CDH20: variants seen among roughly 807,000 people sequenced by gnomAD.
CDH20 encodes cadherin 20.
CDH20 carries 29 observed loss-of-function variants against 74.2 expected under a neutral mutation model. The ratio of observed to expected loss-of-function variants is 0.39; its 90% CI spans 0.29 to 0.53. The LOEUF (loss-of-function observed/expected upper bound fraction) is 0.53. Ranked by LOEUF, CDH20 falls within the 20% of genes least tolerant of loss-of-function variation. The pLI is 0.69. For synonymous variants in CDH20, 469 were observed against 405.4 expected (o/e 1.16, Z -1.88); for missense variants, 988 against 1,048.3 (o/e 0.94, Z 0.79).
At chr18:61,499,791 G>C (rs7238200) in intron 3 of CDH20, among the ~76,000 whole-genome samples, 96,383 of 151,454 alleles carry the variant, frequency 0.64, 30,914 homozygotes, top group South Asian at 0.74. Context: ...GAAATATTTT[G>C]TTATTATCAA....
chr18:61,453,725 G>T (rs935006600), intron 1 of CDH20, among the ~76,000 whole-genome samples: 1 of 152,170 alleles, frequency 6.6e-6, no homozygotes, highest in Non-Finnish European at 1.5e-5. Flanking sequence ...GGACAACTGG[G>T]TTGTTTCTAG....
chr18:61,419,785 C>T (rs780447921), intron 1 of CDH20, among the ~76,000 whole-genome samples: 2 of 152,062 alleles, frequency 1.3e-5, no homozygotes, highest in Non-Finnish European at 2.9e-5. Context: ...AATGTATTTC[C>T]AATAACTGAT....
chr18:61,472,631 A>G (rs541930344), intron 1 of CDH20, among the ~76,000 whole-genome samples: 1 of 152,352 alleles, frequency 6.6e-6, no homozygotes, highest in African/African-American at 2.4e-5. Context: ...AGATTGGTCA[A>G]TGAAATAGAA....
In CDH20 at chr18:61,476,625, A is replaced by G. The variant is rs1162595686; in HGVS notation, c.-152-13777A>G. The stretch of plus-strand genomic sequence containing the variant: ...GAAATCTCCCTTCCCTCATTACAGG[A>G]GAATACAACTGTGGCCCTTAATTCA... On this transcript the variant is annotated intron_variant, in intron 1 of 11. Transcript: ENST00000262717. Among the ~76,000 whole-genome samples, 3 of 152,304 alleles carry G rather than the reference A, an allele frequency of 2.0e-5. No individual in the cohort carries two copies. The East Asian group carries it at 5.8e-4, about 29-fold the overall frequency.
At chr18:61,464,857 G>A (rs1156776882) in intron 1 of CDH20, among the ~76,000 whole-genome samples, 1 of 152,164 alleles carries the variant, frequency 6.6e-6, no homozygotes, top group Non-Finnish European at 1.5e-5. Flanking sequence ...TCAAGGTTGT[G>A]GCAAAACCAG....
At chr18:61,398,417 AGCT>A (rs1302983298) in intron 1 of CDH20, among the ~76,000 whole-genome samples, 1 of 152,190 alleles carries the variant, frequency 6.6e-6, no homozygotes, top group African/African-American at 2.4e-5. Context: ...TTACTCAAGT[AGCT>A]GGTTATGATT....
At chr18:61,546,263 A>G (rs542665910) in intron 10 of CDH20, among the ~76,000 whole-genome samples, 3 of 152,316 alleles carry the variant, frequency 2.0e-5, no homozygotes, top group African/African-American at 7.2e-5. Flanking sequence ...TTCAAACATC[A>G]ATTATTTGAG....
chr18:61,391,903 C>T (rs746797734), intron 1 of CDH20, among the ~76,000 whole-genome samples: 1 of 152,050 alleles, frequency 6.6e-6, no homozygotes, highest in African/African-American at 2.4e-5. Flanking sequence ...TTGACCCAAT[C>T]CCCTTCCTCC....
chr18:61,411,921 T>G (rs190388414), intron 1 of CDH20, among the ~76,000 whole-genome samples: 1 of 151,938 alleles, frequency 6.6e-6, no homozygotes, highest in Admixed American at 6.6e-5. Context: ...GGGTGATGGG[T>G]GCACCAAAAT....
rs186400531 is a variant in CDH20 at position 61,544,038 on chromosome 18, G to A, written c.1531-989G>A. On this transcript the variant is annotated intron_variant, in intron 9 of 11. Coordinates refer to ENST00000262717, the MANE Select transcript of CDH20 (RefSeq NM_031891.4). ...TGATGTCTAACATCTGAAGTATTTA[G>A]GTAACATTTATCCTATGCCTACTAA... Among the ~76,000 whole-genome samples, 11 of 152,310 alleles carry A rather than the reference G, an allele frequency of 7.2e-5. 1 individual carries two copies. The Middle Eastern group carries it at 0.01, about 141-fold the overall frequency.
At chr18:61,447,260 A>G (rs1599091741) in intron 1 of CDH20, among the ~76,000 whole-genome samples, 1 of 152,350 alleles carries the variant, frequency 6.6e-6, no homozygotes. Flanking sequence ...AGAGTTTACC[A>G]GGAGATAGTT....
At chr18:61,347,319 T>TATAC (rs869054502) in intron 1 of CDH20, among the ~76,000 whole-genome samples, 140 of 77,374 alleles carry the variant, frequency 1.8e-3, no homozygotes, top group East Asian at 6.8e-3. Context: ...TATATATATA[T>TATAC]ACACACACAC....
chr18:61,542,386 G>C (rs1015431923), intron 9 of CDH20, among the ~76,000 whole-genome samples: 2 of 152,304 alleles, frequency 1.3e-5, no homozygotes, highest in Non-Finnish European at 2.9e-5. Flanking sequence ...TGGAGTTCCA[G>C]TATAAGGTGT....
At chr18:61,546,019 A>G (rs1913235572) in intron 10 of CDH20, among the ~76,000 whole-genome samples, 1 of 152,166 alleles carries the variant, frequency 6.6e-6, no homozygotes, top group Non-Finnish European at 1.5e-5. Flanking sequence ...GATTTGCTTC[A>G]AAAGAAAAAA....
At chr18:61,389,198 G>A (rs1162154350) in intron 1 of CDH20, among the ~76,000 whole-genome samples, 4 of 152,082 alleles carry the variant, frequency 2.6e-5, no homozygotes, top group East Asian at 3.8e-4. Flanking sequence ...CCTTTCATAC[G>A]AAGAAAATAT....
chr18:61,364,091 TCC>T (rs1910784584), intron 1 of CDH20, among the ~76,000 whole-genome samples: 2 of 152,116 alleles, frequency 1.3e-5, no homozygotes, highest in Non-Finnish European at 2.9e-5. Flanking sequence ...TTATTATAAC[TCC>T]CTGGATTATA....
intron 1 of CDH20, among the ~76,000 whole-genome samples, chr18:61,481,806 T>C (rs946391758): frequency 1.3e-5 from 2 of 152,122 alleles, no homozygotes; most frequent in African/African-American, 4.8e-5. Flanking sequence ...ATACCCAGCC[T>C]TCCAAAGTGC....
At chr18:61,524,936 T>C (rs1290566918) in intron 6 of CDH20, among the ~76,000 whole-genome samples, 2 of 151,878 alleles carry the variant, frequency 1.3e-5, no homozygotes, top group Non-Finnish European at 2.9e-5. Context: ...AAAAAACTCC[T>C]CATTCATGCA....
At chr18:61,472,245 C>T (rs1409983170) in intron 1 of CDH20, among the ~76,000 whole-genome samples, 1 of 152,100 alleles carries the variant, frequency 6.6e-6, no homozygotes, top group African/African-American at 2.4e-5. Context: ...CTTCCTAAGT[C>T]GCTTTAGGCT....
Sources: allele counts gnomAD v4.1 joint callset (sites outside exome capture counted in the v4.1 genomes callset), GRCh38; gene constraint gnomAD v4.1.1; transcripts MANE v1.5; gene names NCBI Gene and HGNC (gene_info 2026-07-23, HGNC 2026-07-21).